GLRA1: variants seen among roughly 807,000 people sequenced by gnomAD.
The protein encoded by GLRA1 is glycine receptor subunit alpha-1.
In GLRA1, 37 loss-of-function variants were observed where a neutral mutation model predicts 48.3. That is an observed-to-expected ratio of 0.77 (90% CI 0.59 to 1.01). The LOEUF (loss-of-function observed/expected upper bound fraction) is 1.01. GLRA1 is among the 50% of genes least tolerant of loss of function. The pLI, the probability that GLRA1 is intolerant of heterozygous loss-of-function variation, is 0.00. For synonymous variants in GLRA1, 196 were observed against 210.7 expected (o/e 0.93, Z 0.60); for missense variants, 427 against 571.0 (o/e 0.75, Z 2.57).
In GLRA1 at chr5:151,838,506, C is replaced by G. The variant is rs528381742; in HGVS notation, c.913-9439G>C. Among the ~76,000 whole-genome samples the G allele has an allele frequency of 9.2e-5, 14 of 152,052 alleles. No homozygotes were observed. In the South Asian group the frequency reaches 2.9e-3, roughly 32 times the overall value. ...GATAAAGAAGAACCAAATAGAAATT[C>G]TGGAGTTGAAAAGTAAAATAACTGA... On this transcript the variant is annotated intron_variant, in intron 7 of 8. Coordinates refer to ENST00000274576, the MANE Select transcript of GLRA1 (RefSeq NM_000171.4).
chr5:151,923,903 G>A (rs1754939649), intron 1 of GLRA1, among the ~76,000 whole-genome samples: 1 of 152,156 alleles, frequency 6.6e-6, no homozygotes, highest in South Asian at 2.1e-4. Context: ...TTTACACACT[G>A]AGGTTATAAT....
chr5:151,909,517 A>G (rs1284046334), intron 1 of GLRA1, among the ~76,000 whole-genome samples: 1 of 152,256 alleles, frequency 6.6e-6, no homozygotes, highest in African/African-American at 2.4e-5. Flanking sequence ...AGAGTGCTGT[A>G]TTCTCCAAAC....
intron 8 of GLRA1, among the ~76,000 whole-genome samples, chr5:151,823,278 C>T (rs1005113020): frequency 5.3e-5 from 8 of 152,170 alleles, no homozygotes; most frequent in Admixed American, 5.2e-4. Flanking sequence ...TTCTGTGAGT[C>T]TCGGGGATTT....
At chr5:151,860,713 T>C (rs1230347668) in intron 3 of GLRA1, among the ~76,000 whole-genome samples, 1 of 139,896 alleles carries the variant, frequency 7.1e-6, no homozygotes, top group Non-Finnish European at 1.5e-5. Flanking sequence ...GAGTCACATC[T>C]TACTAGCTTC....
At chr5:151,872,018 A>T (rs753208167) in intron 3 of GLRA1, among the ~76,000 whole-genome samples, 1 of 149,840 alleles carries the variant, frequency 6.7e-6, no homozygotes, top group African/African-American at 2.6e-5. Flanking sequence ...AAATTAAAGC[A>T]GTGTGATATT....
At chr5:151,911,759 C>T (rs1754616994) in intron 1 of GLRA1, among the ~76,000 whole-genome samples, 1 of 152,000 alleles carries the variant, frequency 6.6e-6, no homozygotes, top group South Asian at 2.1e-4. Flanking sequence ...GTGCCCGCCA[C>T]CGCACCTGGC....
intron 7 of GLRA1, chr5:151,850,432 A>G (rs1752869713): frequency 1.7e-6 from 2 of 1,169,240 alleles, no homozygotes; most frequent in African/African-American, 1.5e-5. Flanking sequence ...TCAGGCTGCC[A>G]TACCAACTTC....
intron 7 of GLRA1, among the ~76,000 whole-genome samples, chr5:151,840,704 G>A (rs1763693595): frequency 6.7e-6 from 1 of 149,088 alleles, no homozygotes; most frequent in African/African-American, 2.5e-5. Context: ...ACCAAAAGAG[G>A]CCTTTAGGTG....
At chr5:151,898,473 G>C (rs541492935) in intron 1 of GLRA1, among the ~76,000 whole-genome samples, 1 of 152,354 alleles carries the variant, frequency 6.6e-6, no homozygotes, top group African/African-American at 2.4e-5. Flanking sequence ...GTTGCAGTAA[G>C]ACTGGGGAGA....
intron 7 of GLRA1, among the ~76,000 whole-genome samples, chr5:151,840,195 G>GC (rs1763680429): frequency 6.6e-6 from 1 of 151,820 alleles, no homozygotes; most frequent in African/African-American, 2.4e-5. Flanking sequence ...CAAGGTTCAA[G>GC]CAGTCCTCCC....
chr5:151,912,262 G>GTT (rs370730368), intron 1 of GLRA1, among the ~76,000 whole-genome samples: 32,890 of 121,512 alleles, frequency 0.27, 5,191 homozygotes, highest in East Asian at 0.49. Context: ...TGTGAAGACT[G>GTT]TTTTTTTTTT....
At position 151,924,538 on chromosome 5, in the gene GLRA1, G is replaced by A. The variant is rs777749834; in HGVS notation, c.12C>T (p.Phe4=). Residue 4 remains phenylalanine, a synonymous_variant, in exon 1 of 9, where the codon TTC becomes TTT. Transcript: ENST00000274576. ...CCCAAAGGTAGAGTCGAAGAGTATT[G>A]AAGCTGTACATTTTTCAGGTCCTTG... is the stretch of plus-strand genomic sequence containing the variant. MYS[F]NTLRLYLWET... 1.2e-6 allele frequency: 2 copies of A among 1,604,100 alleles called. No individual in the cohort carries two copies. Among genetic ancestry groups the A allele is most frequent in the Middle Eastern group, 1.7e-4 (1 of 6,044 alleles).
At chr5:151,909,497 A>C (rs1226536250) in intron 1 of GLRA1, among the ~76,000 whole-genome samples, 1 of 152,222 alleles carries the variant, frequency 6.6e-6, no homozygotes, top group African/African-American at 2.4e-5. Context: ...AGTGTTTAAG[A>C]TGTGATGACA....
At chr5:151,830,393 T>TG (rs1404855694) in intron 7 of GLRA1, among the ~76,000 whole-genome samples, 8 of 152,196 alleles carry the variant, frequency 5.3e-5, no homozygotes, top group Non-Finnish European at 1.0e-4. Context: ...ATCAAAAAGC[T>TG]GAAAAAGAAA....
chr5:151,906,794 G>C (rs1382243314), intron 1 of GLRA1, among the ~76,000 whole-genome samples: 1 of 152,158 alleles, frequency 6.6e-6, no homozygotes. Flanking sequence ...TGGTTAATAG[G>C]TGGAATGGTA....
At chr5:151,906,290 C>T (rs1754471741) in intron 1 of GLRA1, among the ~76,000 whole-genome samples, 1 of 152,188 alleles carries the variant, frequency 6.6e-6, no homozygotes, top group South Asian at 2.1e-4. Context: ...ATAATCTGCA[C>T]TAAAATCTTA....
intron 7 of GLRA1, among the ~76,000 whole-genome samples, chr5:151,831,372 CG>C (rs1763420696): frequency 1.3e-5 from 2 of 152,242 alleles, no homozygotes; most frequent in Admixed American, 6.5e-5. Flanking sequence ...CCCATCCCCA[CG>C]GAGCCCAGCA....
intron 3 of GLRA1, among the ~76,000 whole-genome samples, chr5:151,866,290 T>A (rs1457571908): frequency 6.6e-6 from 1 of 152,206 alleles, no homozygotes; most frequent in East Asian, 1.9e-4. Flanking sequence ...ACTCATTCAT[T>A]TGTTCATTCA....
rs2113349880 is a variant in GLRA1, at chr5:151,855,062, G to T, written c.675C>A (p.Tyr225Ter). ...TACCTGTGTTGTAGTGCTTGGTGCA[G>T]TATCTCAAGTCCTTCTCTTCCTTCA... The part of the protein sequence containing the change: ...FILKEEKDLR[Y>*]CTKHYNTGKF... The change falls in exon 6 of 9, where the codon TAC becomes TAA. Residue 225 changes from tyrosine (Y) to a stop codon, truncating the protein, a stop_gained. Transcript: ENST00000274576. LOFTEE classifies it high-confidence loss of function. 2 of 1,614,170 alleles carry T rather than the reference G, an allele frequency of 1.2e-6. No individual in the cohort carries two copies. The highest frequency in any genetic ancestry group is 3.3e-4 in the Middle Eastern group (2 of 6,056).
Sources: gnomAD v4.1 joint callset for allele counts (sites outside exome capture counted in the v4.1 genomes callset) on GRCh38, gnomAD v4.1.1 for gene constraint, MANE v1.5 for transcripts, NCBI Gene and HGNC (gene_info 2026-07-23, HGNC 2026-07-21) for gene names.